The following FLII variants were observed in gnomAD, a reference collection of about 807,000 sequenced individuals.
FLII encodes protein flightless-1 homolog.
Under a neutral mutation model 156.2 loss-of-function variants are expected in FLII, and 101 were observed. That is an observed-to-expected ratio of 0.65 (90% CI 0.55 to 0.76). The LOEUF (loss-of-function observed/expected upper bound fraction) is 0.76. Ranked by LOEUF, FLII falls within the 30% of genes least tolerant of loss-of-function variation. The pLI is 0.00. For synonymous variants in FLII, 767 were observed against 685.8 expected (o/e 1.12, Z -1.85); for missense variants, 1,675 against 1,682.8 (o/e 1.00, Z 0.08).
intron 11 of FLII, 62 bp downstream of exon 11, chr17:18,251,937 G>C: frequency 5.0e-6 from 8 of 1,603,184 alleles, no homozygotes; most frequent in Non-Finnish European, 6.8e-6. Context: ...CCAATTTACA[G>C]ATGTGTCATT....
rs1381933454 is a variant in FLII at position 18,254,803 on chromosome 17, T to C, written c.379A>G (p.Lys127Glu). The change falls in exon 5 of 30, where the codon AAG becomes GAG. Residue 127 changes from lysine to glutamate, a missense_variant. Coordinates refer to ENST00000327031, the MANE Select transcript of FLII (RefSeq NM_002018.4). The part of the protein sequence containing the change: ...TECPRELENA[K>E]NMLVLNLSHN... ...CTGAGGTTCAGCACCAGCATGTTCTTGGCGTTCTCCAGCTCCCGCGGGCAC... is the reference window on the plus strand; with the variant it reads ...CTGAGGTTCAGCACCAGCATGTTCTCGGCGTTCTCCAGCTCCCGCGGGCAC... The C allele has an allele frequency of 1.7e-5, 28 of 1,614,130 alleles. No homozygotes were observed. The highest frequency in any genetic ancestry group is 2.3e-5 in the Non-Finnish European group (27 of 1,180,012).
upstream of FLII, chr17:18,258,838 C>T: frequency 2.7e-6 from 1 of 369,534 alleles, no homozygotes; most frequent in African/African-American, 2.1e-5. This position sits in a 1 kb window ranked among gnomAD's most constrained non-coding sequence, Gnocchi z 4.2. Context: ...GGCTTTAGGC[C>T]TCTTAGGGCC....
chr17:18,249,059 C>T (rs1311578118), intron 16 of FLII, 68 bp downstream of exon 16: 12 of 1,484,026 alleles, frequency 8.1e-6, no homozygotes, highest in Non-Finnish European at 1.1e-5. Context: ...AAGAGGCCCA[C>T]ACCTGCCCCC....
Position 18,258,396 on chromosome 17 carries a change from T to TC in FLII, c.63+231dup. The TC allele has an allele frequency of 7.7e-7, 1 of 1,290,696 alleles. No individual in the cohort carries two copies. 80.0% of individuals were successfully genotyped at this position (1,290,696 alleles called of 1,614,324 possible). Reference sequence around the variant, plus strand: ...CTCCCGGCCGGGCCCCCGGCGGGACTCCGAGCCCAAGCGTCCGTCCCCGGC... The same window carrying TC: ...CTCCCGGCCGGGCCCCCGGCGGGACTCCCGAGCCCAAGCGTCCGTCCCCGGC... On this transcript the variant is annotated intron_variant, in intron 1 of 29. Transcript: ENST00000327031. This position sits in a 1 kb window ranked among gnomAD's most constrained non-coding sequence, Gnocchi z 4.2.
chr17:18,249,493 G>A (rs1400167690), intron 14 of FLII, 85 bp from the exon 15 acceptor site: 3 of 977,784 alleles, frequency 3.1e-6, no homozygotes, highest in Non-Finnish European at 4.9e-6. Flanking sequence ...GTACAGAGTT[G>A]CATACAGGTG....
chr17:18,255,053 T>C (rs1022922073), intron 4 of FLII, 130 bp downstream of exon 4: 1 of 922,178 alleles, frequency 1.1e-6, no homozygotes, highest in African/African-American at 1.6e-5. Flanking sequence ...TCAGGCAAGG[T>C]ATTATCCACT....
At chr17:18,251,502 G>A (rs1389161566) in intron 12 of FLII, 25 bp from the exon 13 acceptor site, 21 of 1,584,904 alleles carry the variant, frequency 1.3e-5, no homozygotes, top group Non-Finnish European at 1.5e-5. Context: ...ACAGAGCACG[G>A]CTTGACTCTG....
At chr17:18,255,695 T>G (rs1405413657) in intron 3 of FLII, among the ~76,000 whole-genome samples, 1 of 152,026 alleles carries the variant, frequency 6.6e-6, no homozygotes, top group Non-Finnish European at 1.5e-5. Flanking sequence ...CTTACAGACA[T>G]GCAGAAAGCT....
Position 18,248,698 on chromosome 17 carries a change from T to C in FLII, c.2042A>G (p.Lys681Arg). 6.2e-7 allele frequency: 1 copy of C among 1,613,798 alleles called. No homozygotes were observed. Among genetic ancestry groups the C allele is most frequent in the African/African-American group, 1.3e-5 (1 of 75,048 alleles). The change falls in exon 18 of 30, where the codon AAG becomes AGG. Residue 681 changes from lysine to arginine, a missense_variant. By Grantham distance (26) the Lys-to-Arg change is conservative (BLOSUM62 2). Around this residue, in one of 2 missense-constraint regions of FLII, gnomAD observed 1,332 missense variants for 1,269.3 expected, o/e 1.05. Coordinates refer to ENST00000327031, the MANE Select transcript of FLII (RefSeq NM_002018.4). ...KARLFAEKIN[K>R]NERKGKAEIT... ...CTCAGCCTTCCCTTTCCGCTCATTC[T>C]TGTTAATTTTCTCTGCAAAGAGCCT... is the stretch of plus-strand genomic sequence containing the variant.
rs368156305 is a variant in FLII, at chr17:18,245,357, G to A, written c.3672C>T (p.Cys1224=). Residue 1224 remains cysteine (C), a synonymous_variant, in exon 29 of 30, where the codon TGC becomes TGT. Transcript: ENST00000327031. ...GCCCTCCCTCCACCCAGATTACCTG[G>A]CAGGCCTTCAGGCTCAGCTTGATCT... is the stretch of plus-strand genomic sequence containing the variant. ...QVEIKLSLKA[C]QVYIQHMRSK... is the part of the protein sequence containing the mutation. The A allele has an allele frequency of 5.6e-6, 9 of 1,614,020 alleles. No individual in the cohort carries two copies. In the African/African-American group the frequency reaches 9.3e-5, roughly 17 times the overall value.
Position 18,247,653 on chromosome 17 carries a change from G to C in FLII, c.2487+4C>G. 6 of 1,577,096 alleles carry C rather than the reference G, an allele frequency of 3.8e-6. No individual in the cohort carries two copies. Among genetic ancestry groups the C allele is most frequent in the Non-Finnish European group, 5.1e-6 (6 of 1,167,732 alleles). ...GGGAGGGGCCTCCGAAGCTGCAAGCGCACCTGCGCCTCGGTGCCCTCGAGG... is the reference window on the plus strand; with the variant it reads ...GGGAGGGGCCTCCGAAGCTGCAAGCCCACCTGCGCCTCGGTGCCCTCGAGG... On this transcript the variant is annotated splice_donor_region_variant and intron_variant, in intron 20 of 29. Transcript: ENST00000327031.
chr17:18,257,055 C>T, intron 1 of FLII, 36 bp from the exon 2 acceptor site: 2 of 1,401,302 alleles, frequency 1.4e-6, no homozygotes, highest in Non-Finnish European at 2.0e-6. Flanking sequence ...CACAGAGCCC[C>T]TGCTCACCAC....
chr17:18,254,910 G>T, intron 4 of FLII, 56 bp from the exon 5 acceptor site: 1 of 1,566,868 alleles, frequency 6.4e-7, no homozygotes, highest in Non-Finnish European at 8.8e-7. Flanking sequence ...CCAGGCGTCT[G>T]CCAAGCTTGG....
intron 4 of FLII, 32 bp downstream of exon 4, chr17:18,255,151 C>T (rs1285919891): frequency 1.9e-6 from 3 of 1,539,014 alleles, no homozygotes; most frequent in Non-Finnish European, 2.7e-6. Flanking sequence ...GTCCGGCTAG[C>T]ACAGGGGCCA....
intron 4 of FLII, 103 bp downstream of exon 4, chr17:18,255,080 C>T (rs913689964): frequency 9.6e-7 from 1 of 1,045,752 alleles, no homozygotes; most frequent in African/African-American, 1.6e-5. Context: ...CTCAGTTTTC[C>T]CATCTGCAAA....
intron 26 of FLII, 41 bp from the exon 27 acceptor site, chr17:18,245,891 C>T: frequency 6.2e-7 from 1 of 1,614,074 alleles, no homozygotes; most frequent in Non-Finnish European, 8.5e-7. Context: ...CCTGCCTGCC[C>T]TGGCTCCTCT....
rs779746027 is a variant in FLII at position 18,246,409 on chromosome 17, C to G, written c.3105G>C (p.Lys1035Asn). The G allele has an allele frequency of 2.1e-5, 34 of 1,614,072 alleles. No homozygotes were observed. The Admixed American group carries it at 3.2e-4, about 15-fold the overall frequency. Reference sequence around the variant, plus strand: ...TGCCCCGGTGGATGATGAACTTCCTCTTGAAATGGGACAGGAACTTGGGGT... The same window carrying G: ...TGCCCCGGTGGATGATGAACTTCCTGTTGAAATGGGACAGGAACTTGGGGT... ...QENPKFLSHF[K>N]RKFIIHRGKR... The change falls in exon 24 of 30, where the codon AAG (lysine) becomes AAC (asparagine). Residue 1035 changes from lysine to asparagine, a missense_variant. By Grantham distance (94) the Lys-to-Asn change is moderately conservative. This residue lies in a region of FLII where 1,332 missense variants were observed against 1,269.3 expected (regional missense o/e 1.05). Coordinates refer to ENST00000327031, the MANE Select transcript of FLII (RefSeq NM_002018.4).
intron 10 of FLII, 89 bp from the exon 11 acceptor site, chr17:18,252,235 G>A (rs139569465): frequency 3.3e-5 from 43 of 1,294,656 alleles, no homozygotes; most frequent in Middle Eastern, 2.4e-4. Context: ...GTCTGCAGCC[G>A]CCAGGGCTGA....
intron 2 of FLII, 112 bp from the exon 3 acceptor site, chr17:18,256,709 C>G: frequency 4.1e-6 from 4 of 981,144 alleles, no homozygotes; most frequent in Non-Finnish European, 6.3e-6. Flanking sequence ...ACTGGCCCAA[C>G]TACCCCTGCA....
Sources: allele counts gnomAD v4.1 joint callset (sites outside exome capture counted in the v4.1 genomes callset), GRCh38; gene constraint gnomAD v4.1.1; regional missense constraint gnomAD v4.1.1; non-coding constraint Gnocchi (gnomAD v3.1); transcripts MANE v1.5; gene names NCBI Gene and HGNC (gene_info 2026-07-23, HGNC 2026-07-21).